Variants in LRRC37A2 observed in about 807,000 individuals in gnomAD.
LRRC37A2 encodes leucine-rich repeat-containing protein 37A2.
LRRC37A2 carries 9 observed loss-of-function variants against 68.8 expected under a neutral mutation model. The ratio of observed to expected loss-of-function variants is 0.13; its 90% CI spans 0.08 to 0.23. The LOEUF is 0.23. LRRC37A2 is among the 10% of genes least tolerant of loss of function. The pLI is 1.00. For synonymous variants in LRRC37A2, 63 were observed against 367.6 expected (o/e 0.17, Z 9.48); for missense variants, 168 against 950.4 (o/e 0.18, Z 10.82).
the LRRC37A2 span, among the ~76,000 whole-genome samples, chr17:46,821,687 C>T: frequency 4.1e-3 from 627 of 152,300 alleles, 4 homozygotes; most frequent in African/African-American, 0.014. Context: ...TGGGGTGGCA[C>T]GTGGGAAGCA....
At chr17:46,924,157 T>A in the LRRC37A2 span, 1 of 304,376 alleles carries the variant, frequency 3.3e-6, no homozygotes, top group Non-Finnish European at 6.0e-6. Flanking sequence ...GTAACCTCTG[T>A]TTTACTTCTC....
At chr17:47,014,612 C>G in the LRRC37A2 span, among the ~76,000 whole-genome samples, 2,814 of 151,364 alleles carry the variant, frequency 0.019, 47 homozygotes, top group Middle Eastern at 0.075. Context: ...GTTTGGAGAG[C>G]AGAACTGAGG....
At chr17:46,899,587 A>T in the LRRC37A2 span, among the ~76,000 whole-genome samples, 1 of 152,168 alleles carries the variant, frequency 6.6e-6, no homozygotes, top group Non-Finnish European at 1.5e-5. Context: ...CACAGAAAAC[A>T]GATTAGTGGT....
the LRRC37A2 span, among the ~76,000 whole-genome samples, chr17:46,934,766 C>T: frequency 6.6e-6 from 1 of 152,174 alleles, no homozygotes; most frequent in South Asian, 2.1e-4. Flanking sequence ...GATCATGATA[C>T]AGAGACAAGT....
chr17:46,999,506 G>A, the LRRC37A2 span, among the ~76,000 whole-genome samples: 3 of 152,118 alleles, frequency 2.0e-5, no homozygotes, highest in South Asian at 2.1e-4. Context: ...ACGCCACCAT[G>A]CCTGGCTAAT....
chr17:46,875,224 G>A, the LRRC37A2 span: 1 of 1,614,222 alleles, frequency 6.2e-7, no homozygotes, highest in Non-Finnish European at 8.5e-7. Context: ...GGGCTGGAGA[G>A]CCGGCAGGCC....
the LRRC37A2 span, chr17:46,770,023 G>A: frequency 1.3e-5 from 20 of 1,573,118 alleles, no homozygotes; most frequent in East Asian, 4.7e-5. Context: ...AGGCGATGGC[G>A]TGAACGAAGG....
the LRRC37A2 span, chr17:46,966,890 AC>A: frequency 2.5e-6 from 1 of 401,234 alleles, no homozygotes; most frequent in Non-Finnish European, 4.4e-6. Context: ...GCTAATTAGC[AC>A]CTTAAAGGGA....
chr17:46,492,811 A>G, the LRRC37A2 span, among the ~76,000 whole-genome samples: 1 of 146,436 alleles, frequency 6.8e-6, no homozygotes, highest in Non-Finnish European at 1.5e-5. Flanking sequence ...CTCCTGCCTC[A>G]GCCTCCCGTG....
At chr17:46,983,893 G>C in the LRRC37A2 span, among the ~76,000 whole-genome samples, 1 of 152,192 alleles carries the variant, frequency 6.6e-6, no homozygotes, top group Admixed American at 6.5e-5. Context: ...TGGCTTCCAA[G>C]GTGACCCCTT....
chr17:46,963,011 C>T, the LRRC37A2 span, among the ~76,000 whole-genome samples: 1 of 150,708 alleles, frequency 6.6e-6, no homozygotes, highest in Non-Finnish European at 1.5e-5. Context: ...GGAAAGAATG[C>T]CACATGGCTA....
chr17:46,929,625 G>A, the LRRC37A2 span: 4 of 983,958 alleles, frequency 4.1e-6, no homozygotes, highest in East Asian at 2.4e-5. Flanking sequence ...TTTCTCTGAT[G>A]ACAGGGTGCT....
the LRRC37A2 span, among the ~76,000 whole-genome samples, chr17:47,000,076 A>AATT: frequency 3.2e-3 from 82 of 25,528 alleles, 6 homozygotes; most frequent in African/African-American, 6.2e-3. Context: ...AAATAAAATA[A>AATT]AAAATAAAAT....
At chr17:46,382,903 AG>A in the LRRC37A2 span, among the ~76,000 whole-genome samples, 1 of 59,446 alleles carries the variant, frequency 1.7e-5, no homozygotes, top group African/African-American at 7.5e-5. Flanking sequence ...AATTCTGCTT[AG>A]CTACTCTGTA....
the LRRC37A2 span, chr17:46,940,541 G>A: frequency 6.2e-6 from 10 of 1,614,126 alleles, no homozygotes; most frequent in Non-Finnish European, 6.8e-6. Flanking sequence ...CGGCAAGGCT[G>A]TCCTGTCCCC....
chr17:46,865,892 G>A, the LRRC37A2 span, among the ~76,000 whole-genome samples: 10 of 152,158 alleles, frequency 6.6e-5, no homozygotes, highest in Non-Finnish European at 5.9e-5. Context: ...TACTACAGGT[G>A]CGCGCCACAA....
At chr17:46,793,272 TAAAAAAAAAAAAAAAAAAA>T in the LRRC37A2 span, among the ~76,000 whole-genome samples, 1 of 41,950 alleles carries the variant, frequency 2.4e-5, no homozygotes, top group Non-Finnish European at 4.0e-5. Flanking sequence ...AGACCCTGTC[TAAAAAAAAAAAAAAAAAAA>T]AAAAAAAAAA....
At chr17:46,814,578 A>ATCTG in the LRRC37A2 span, among the ~76,000 whole-genome samples, 18 of 152,220 alleles carry the variant, frequency 1.2e-4, no homozygotes, top group Middle Eastern at 3.4e-3. Context: ...GTATCTGCCC[A>ATCTG]TCTGTCTGTC....
At chr17:46,927,493 A>G in the LRRC37A2 span, among the ~76,000 whole-genome samples, 1 of 151,978 alleles carries the variant, frequency 6.6e-6, no homozygotes, top group South Asian at 2.1e-4. Context: ...GCACACCTGT[A>G]TTTTCTTCAG....
Sources: allele counts gnomAD v4.1 joint callset (sites outside exome capture counted in the v4.1 genomes callset), GRCh38; gene constraint gnomAD v4.1.1; transcripts MANE v1.5; gene names NCBI Gene and HGNC (gene_info 2026-07-23, HGNC 2026-07-21).